INPP5A: variants seen among roughly 807,000 people sequenced by gnomAD.
INPP5A encodes 43 kDa inositol polyphosphate 5-phophatase.
A neutral mutation model predicts 65.2 loss-of-function variants in INPP5A; 14 were observed. The observed-to-expected ratio is 0.21, with a 90% confidence interval of 0.14 to 0.34. The LOEUF (loss-of-function observed/expected upper bound fraction) is 0.34, where lower values mean the gene tolerates loss of function less well. INPP5A is among the 10% of genes least tolerant of loss of function. The pLI, the probability that INPP5A is intolerant of heterozygous loss-of-function variation, is 1.00. For synonymous variants in INPP5A, 207 were observed against 208.3 expected (o/e 0.99, Z 0.05); for missense variants, 431 against 545.6 (o/e 0.79, Z 2.09).
intron 11 of INPP5A, among the ~76,000 whole-genome samples, chr10:132,760,103 T>C (rs1352106275): frequency 2.6e-5 from 4 of 152,230 alleles, no homozygotes; most frequent in East Asian, 3.9e-4. Context: ...AACGAATTCA[T>C]GTCGGCCAAG....
At chr10:132,681,295 T>G (rs1047291808) in intron 4 of INPP5A, among the ~76,000 whole-genome samples, 6 of 152,182 alleles carry the variant, frequency 3.9e-5, no homozygotes, top group Non-Finnish European at 7.4e-5. Flanking sequence ...TCGGGTCCCC[T>G]TCCACACTGT....
At chr10:132,591,645 T>C (rs977249238) in intron 1 of INPP5A, among the ~76,000 whole-genome samples, 1 of 152,242 alleles carries the variant, frequency 6.6e-6, no homozygotes, top group African/African-American at 2.4e-5. Flanking sequence ...TTGGTGTCTG[T>C]GATGGCTGTT....
At chr10:132,671,320 T>G (rs1590912749) in intron 4 of INPP5A, among the ~76,000 whole-genome samples, 1 of 108,682 alleles carries the variant, frequency 9.2e-6, no homozygotes, top group East Asian at 3.9e-4. Flanking sequence ...GCGAGGCTTG[T>G]GCCCTCCCTG....
intron 9 of INPP5A, among the ~76,000 whole-genome samples, chr10:132,733,637 G>A (rs1033196145): frequency 6.6e-6 from 1 of 152,222 alleles, no homozygotes; most frequent in Admixed American, 6.5e-5. Context: ...TTTTGAGGCT[G>A]ACTTGGACCA....
At chr10:132,764,478 T>C (rs1340410738) in intron 11 of INPP5A, among the ~76,000 whole-genome samples, 111 of 107,648 alleles carry the variant, frequency 1.0e-3, no homozygotes, top group East Asian at 2.7e-3. Flanking sequence ...CACGGTCGGG[T>C]CAGTCCTGCA....
At chr10:132,652,327 G>GAT (rs2072588520) in intron 4 of INPP5A, among the ~76,000 whole-genome samples, 1 of 152,230 alleles carries the variant, frequency 6.6e-6, no homozygotes. Flanking sequence ...AAATCACTGT[G>GAT]AAATACCAGG....
intron 4 of INPP5A, among the ~76,000 whole-genome samples, chr10:132,653,542 G>A (rs762945897): frequency 4.9e-4 from 74 of 152,312 alleles, no homozygotes; most frequent in Non-Finnish European, 8.5e-4. Context: ...CAAAACAGTC[G>A]CCAGGGCACA....
chr10:132,578,343 A>G (rs542144373), intron 1 of INPP5A, among the ~76,000 whole-genome samples: 19 of 152,292 alleles, frequency 1.2e-4, no homozygotes, highest in African/African-American at 4.6e-4. Context: ...CCCGAGCCTT[A>G]TCAAAGACCC....
At position 132,650,623 on chromosome 10, in the gene INPP5A, C is replaced by T; in HGVS notation, c.306+118C>T. ...TGCTCCCTGCCTGAAGCCTCACTCA[C>T]GCTGCCCTGCCTGGCACTCCCGCAG... On this transcript the variant is annotated intron_variant, in intron 4 of 15. Transcript: ENST00000368594. This position sits in a 1 kb window ranked among gnomAD's most constrained non-coding sequence, Gnocchi z 5.5. 1.1e-5 allele frequency: 8 copies of T among 727,118 alleles called. No individual in the cohort carries two copies. Among genetic ancestry groups the T allele is most frequent in the Admixed American group, 3.9e-5 (2 of 51,072 alleles). 45.0% of individuals were successfully genotyped at this position (727,118 alleles called of 1,614,324 possible).
intron 12 of INPP5A, 51 bp from the exon 13 acceptor site, chr10:132,777,620 T>C (rs374180305): frequency 1.3e-6 from 2 of 1,550,088 alleles, no homozygotes; most frequent in Non-Finnish European, 8.9e-7. Flanking sequence ...CCTTTGGGGC[T>C]GAGGACGGCC....
chr10:132,703,850 AC>A (rs2134513800), intron 6 of INPP5A, among the ~76,000 whole-genome samples: 1 of 30,632 alleles, frequency 3.3e-5, no homozygotes, highest in Admixed American at 4.9e-4. Context: ...CCCCACACAC[AC>A]AAGCTTCACC....
At chr10:132,599,708 C>T (rs1336986884) in intron 1 of INPP5A, among the ~76,000 whole-genome samples, 1 of 152,254 alleles carries the variant, frequency 6.6e-6, no homozygotes, top group Non-Finnish European at 1.5e-5. Context: ...CATGAGGGCC[C>T]CACCCCTGCA....
intron 9 of INPP5A, among the ~76,000 whole-genome samples, chr10:132,743,900 T>C (rs1213837303): frequency 6.6e-6 from 1 of 152,218 alleles, no homozygotes; most frequent in African/African-American, 2.4e-5. Context: ...TTTAGTGCAT[T>C]CACTCTGGCG....
At chr10:132,700,648 C>T (rs892080279) in intron 6 of INPP5A, among the ~76,000 whole-genome samples, 2 of 152,162 alleles carry the variant, frequency 1.3e-5, no homozygotes, top group South Asian at 2.1e-4. Flanking sequence ...TGGCCGGGCC[C>T]GCCCCTCCCT....
intron 9 of INPP5A, 72 bp from the exon 10 acceptor site, chr10:132,749,445 G>A (rs956637787): frequency 5.0e-5 from 68 of 1,361,098 alleles, no homozygotes; most frequent in South Asian, 1.2e-4. Context: ...CCACTGACTC[G>A]GGGTGTCGGG....
chr10:132,717,864 G>C lies in INPP5A; in HGVS notation c.647+7408G>C, dbSNP rs1845771329. ...TGTCTTGCGGGTTCTGTGGTACCTG[G>C]GTTCTGTCTGGGCGCCTTAGACGGC... On this transcript the variant is annotated intron_variant, in intron 8 of 15. Coordinates refer to ENST00000368594, the MANE Select transcript of INPP5A (RefSeq NM_005539.5). Among the ~76,000 whole-genome samples, 3 of 141,326 alleles carry C rather than the reference G, an allele frequency of 2.1e-5. No individual in the cohort carries two copies. In the South Asian group the frequency reaches 6.7e-4, roughly 32 times the overall value. The allele number at this position is 141,326 out of a possible 152,430, so 92.7% of individuals were successfully genotyped here.
rs1354069915 is a variant in INPP5A, at chr10:132,644,485, A to G, written c.118-1383A>G. Among the ~76,000 whole-genome samples the G allele has an allele frequency of 1.3e-5, 2 of 152,166 alleles. No homozygotes were observed. The highest frequency in any genetic ancestry group is 2.9e-5 in the Non-Finnish European group (2 of 68,014). On this transcript the variant is annotated intron_variant, in intron 2 of 15. Coordinates refer to ENST00000368594, the MANE Select transcript of INPP5A (RefSeq NM_005539.5). This position sits in a 1 kb window ranked among gnomAD's most constrained non-coding sequence, Gnocchi z 6.5. The stretch of plus-strand genomic sequence containing the variant: ...GCCCGTCGTCCCTTGCTGGCTGCCC[A>G]CTTGCTCAGCTGCGCCCTGGACCGT...
At chr10:132,690,514 G>A in intron 5 of INPP5A, 59 bp downstream of exon 5, 1 of 1,289,442 alleles carries the variant, frequency 7.8e-7, no homozygotes, top group South Asian at 1.2e-5. Context: ...CCTGGTGTCT[G>A]GCTTCCCCAG....
At position 132,770,927 on chromosome 10, in the gene INPP5A, G is replaced by A. The variant is rs546331954; in HGVS notation, c.977+5081G>A. On this transcript the variant is annotated intron_variant, in intron 12 of 15. Transcript: ENST00000368594. ...AGGGAGGGGTCTCTGTGGTGGGGAC[G>A]CCGCCAGCCTCTGGGAGGAATACGT... Among the ~76,000 whole-genome samples the A allele has an allele frequency of 6.6e-5, 10 of 152,234 alleles. No homozygotes were observed. The East Asian group carries it at 1.7e-3, about 26-fold the overall frequency.
Sources: gnomAD v4.1 joint callset for allele counts (sites outside exome capture counted in the v4.1 genomes callset) on GRCh38, gnomAD v4.1.1 for gene constraint, Gnocchi (gnomAD v3.1) non-coding constraint, MANE v1.5 for transcripts, NCBI Gene and HGNC (gene_info 2026-07-23, HGNC 2026-07-21) for gene names.